AQP9: variants seen among roughly 807,000 people sequenced by gnomAD.
AQP9 encodes aquaporin-9.
A neutral mutation model predicts 23.8 loss-of-function variants in AQP9; 19 were observed. The observed-to-expected ratio is 0.80, with a 90% confidence interval of 0.56 to 1.17. AQP9 has a LOEUF of 1.17. Among genes scored for constraint, AQP9 ranks in the 50% most tolerant of loss-of-function variants. AQP9 has a pLI of 0.00. For synonymous variants in AQP9, 153 were observed against 131.5 expected (o/e 1.16, Z -1.12); for missense variants, 413 against 362.0 (o/e 1.14, Z -1.14).
chr15:58,161,970 T>C (rs1208162072), intron 1 of AQP9, among the ~76,000 whole-genome samples: 1 of 152,170 alleles, frequency 6.6e-6, no homozygotes, highest in Non-Finnish European at 1.5e-5. Context: ...CTAGAAGCTG[T>C]TACAGAGAAA....
At chr15:58,141,098 C>G (rs1897942766) in intron 1 of AQP9, among the ~76,000 whole-genome samples, 3 of 152,180 alleles carry the variant, frequency 2.0e-5, no homozygotes, top group Admixed American at 2.0e-4. Flanking sequence ...ATACGTAGGC[C>G]TTTCACCTTT....
intron 2 of AQP9, among the ~76,000 whole-genome samples, chr15:58,167,125 A>G (rs1898525934): frequency 6.6e-6 from 1 of 152,222 alleles, no homozygotes. Flanking sequence ...CAACTCCCAG[A>G]TACCCTGTAA....
intron 4 of AQP9, among the ~76,000 whole-genome samples, chr15:58,177,054 T>C (rs1410869201): frequency 6.6e-6 from 1 of 152,206 alleles, no homozygotes; most frequent in Non-Finnish European, 1.5e-5. Flanking sequence ...CAGCAAACCC[T>C]GAATGCTGTC....
At chr15:58,177,329 G>A (rs1285078684) in intron 4 of AQP9, among the ~76,000 whole-genome samples, 5 of 152,140 alleles carry the variant, frequency 3.3e-5, no homozygotes, top group African/African-American at 1.2e-4. Flanking sequence ...CAGAGTCTGA[G>A]GCTCAATCTA....
intron 2 of AQP9, among the ~76,000 whole-genome samples, chr15:58,169,000 T>C (rs1271140419): frequency 6.6e-6 from 1 of 152,182 alleles, no homozygotes; most frequent in Non-Finnish European, 1.5e-5. Context: ...GTTAACACCC[T>C]TCACCACTGC....
At chr15:58,149,274 A>G (rs1898105349) in intron 1 of AQP9, among the ~76,000 whole-genome samples, 1 of 152,182 alleles carries the variant, frequency 6.6e-6, no homozygotes, top group African/African-American at 2.4e-5. Flanking sequence ...CAAGTCACTC[A>G]GACTTTCAGT....
intron 2 of AQP9, 78 bp from the exon 3 acceptor site, chr15:58,172,990 C>T: frequency 6.4e-7 from 1 of 1,574,444 alleles, no homozygotes; most frequent in South Asian, 1.1e-5. Flanking sequence ...GACTGAATTC[C>T]ACCTGAGGTC....
At chr15:58,139,892 T>C (rs373215446) in intron 1 of AQP9, among the ~76,000 whole-genome samples, 1 of 152,206 alleles carries the variant, frequency 6.6e-6, no homozygotes, top group Non-Finnish European at 1.5e-5. Context: ...ACTGTCATAA[T>C]GTAGCAAGAC....
intron 2 of AQP9, among the ~76,000 whole-genome samples, chr15:58,168,301 GA>G (rs1395053096): frequency 2.6e-5 from 4 of 152,016 alleles, no homozygotes. Context: ...AAAGTGCTAG[GA>G]TTACAGGCAT....
intron 1 of AQP9, among the ~76,000 whole-genome samples, chr15:58,143,997 T>C (rs978836146): frequency 6.6e-6 from 1 of 152,220 alleles, no homozygotes; most frequent in African/African-American, 2.4e-5. Flanking sequence ...ATCCTTGATA[T>C]CATCCAACTT....
intron 2 of AQP9, among the ~76,000 whole-genome samples, chr15:58,172,743 G>A (rs1595742525): frequency 1.3e-5 from 2 of 152,126 alleles, no homozygotes; most frequent in Admixed American, 1.3e-4. Context: ...GTCTGTTTGG[G>A]GTGACTGCTT....
At chr15:58,162,496 G>T (rs2140611661) in intron 1 of AQP9, among the ~76,000 whole-genome samples, 1 of 152,294 alleles carries the variant, frequency 6.6e-6, no homozygotes. Flanking sequence ...GTGGTAATGA[G>T]CTCCCTATCC....
chr15:58,172,829 C>G (rs1898652677), intron 2 of AQP9, among the ~76,000 whole-genome samples: 1 of 152,122 alleles, frequency 6.6e-6, no homozygotes, highest in Admixed American at 6.6e-5. Context: ...ACCTGACTCT[C>G]TTTTCATCAA....
chr15:58,151,811 A>G lies in AQP9; in HGVS notation c.111+13135A>G, dbSNP rs543369744. The G allele has an allele frequency of 8.5e-5, 13 of 152,226 alleles. No homozygotes were observed. The East Asian group carries it at 2.3e-3, about 27-fold the overall frequency. The allele number at this position is 152,226 out of a possible 1,614,324, so 9.4% of individuals were successfully genotyped here. A position where few individuals can be genotyped will look rare whatever the true frequency, so the allele number is the denominator to read the frequency against. On this transcript the variant is annotated intron_variant, in intron 1 of 5. Coordinates refer to ENST00000219919, the MANE Select transcript of AQP9 (RefSeq NM_020980.5). ...CCCCAAAGCCCACGTGGAAGCCCCT[A>G]TTGCTGGCTCAATAGTACTTGCAGA...
At chr15:58,165,523 A>C (rs547553795) in intron 1 of AQP9, among the ~76,000 whole-genome samples, 1 of 152,356 alleles carries the variant, frequency 6.6e-6, no homozygotes, top group East Asian at 1.9e-4. Context: ...GATCATGTAC[A>C]TAAAAAGAAA....
intron 3 of AQP9, 89 bp downstream of exon 3, chr15:58,173,294 C>A: frequency 6.4e-7 from 1 of 1,555,700 alleles, no homozygotes; most frequent in Non-Finnish European, 8.8e-7. Flanking sequence ...CGAGAAAAAG[C>A]AAGGACGGGA....
intron 5 of AQP9, among the ~76,000 whole-genome samples, chr15:58,182,171 C>A (rs543150087): frequency 6.6e-6 from 1 of 152,320 alleles, no homozygotes; most frequent in African/African-American, 2.4e-5. Flanking sequence ...CATCAAATTT[C>A]TCTCCACTTA....
intron 1 of AQP9, 74 bp from the exon 2 acceptor site, chr15:58,166,599 T>G: frequency 6.6e-7 from 1 of 1,515,976 alleles, no homozygotes; most frequent in South Asian, 1.3e-5. Context: ...TTAAAAATAC[T>G]TGCTACTGTG....
At chr15:58,143,295 A>G (rs2140583220) in intron 1 of AQP9, among the ~76,000 whole-genome samples, 1 of 152,342 alleles carries the variant, frequency 6.6e-6, no homozygotes, top group Admixed American at 6.5e-5. Flanking sequence ...GCAAGAGTTT[A>G]AAGACTCGAG....
Sources: allele counts gnomAD v4.1 joint callset (sites outside exome capture counted in the v4.1 genomes callset), GRCh38; gene constraint gnomAD v4.1.1; transcripts MANE v1.5; gene names NCBI Gene and HGNC (gene_info 2026-07-23, HGNC 2026-07-21).